PIP4K2B: variants seen among roughly 807,000 people sequenced by gnomAD.
The protein encoded by PIP4K2B is phosphatidylinositol-5-phosphate 4-kinase type 2 beta, also known as phosphatidylinositol 5-phosphate 4-kinase type-2 beta.
In PIP4K2B, 3 loss-of-function variants were observed where a neutral mutation model predicts 42.0. That is an observed-to-expected ratio of 0.07 (90% confidence interval 0.03 to 0.18). PIP4K2B has a LOEUF of 0.18. Ranked by LOEUF, PIP4K2B falls within the 10% of genes least tolerant of loss-of-function variation. PIP4K2B has a pLI of 1.00. For synonymous variants in PIP4K2B, 204 were observed against 210.1 expected, an observed-to-expected ratio of 0.97 and a Z score of 0.25; for missense variants, 332 against 562.3, an observed-to-expected ratio of 0.59 and a Z score of 4.14.
At chr17:38,790,578 T>C (rs920513736) in intron 1 of PIP4K2B, among the ~76,000 whole-genome samples, 3 of 152,086 alleles carry the variant, frequency 2.0e-5, no homozygotes, top group African/African-American at 4.8e-5. Flanking sequence ...CCTGCCTCAG[T>C]CTCCTGAGTA....
chr17:38,788,757 C>T (rs147756525), intron 1 of PIP4K2B, among the ~76,000 whole-genome samples: 63 of 152,070 alleles, frequency 4.1e-4, no homozygotes, highest in Non-Finnish European at 7.8e-4. Context: ...TCAAGACCAG[C>T]CTGGCCAATA....
At chr17:38,795,408 A>T (rs546793430) in intron 1 of PIP4K2B, among the ~76,000 whole-genome samples, 2 of 152,106 alleles carry the variant, frequency 1.3e-5, no homozygotes, top group Non-Finnish European at 2.9e-5. Flanking sequence ...GGAGTTCAGG[A>T]CCAGCCTCGG....
Position 38,786,859 on chromosome 17 carries a change from T to C in PIP4K2B, c.221A>G (p.Tyr74Cys). ...VMLMPDDFKA[Y>C]SKIKVDNHLF... ...ATGATTGTCCACCTTGATCTTGCTG[T>C]AGGCTTTGAAGTCATCTGGCATTAG... is the stretch of plus-strand genomic sequence containing the variant. Residue 74 changes from tyrosine to cysteine, a missense_variant, in exon 2 of 10, where the codon TAC becomes TGC. Tyr to Cys is a radical substitution (Grantham distance 194). Transcript: ENST00000619039. The C allele has an allele frequency of 6.2e-7, 1 of 1,612,964 alleles. No individual in the cohort carries two copies.
chr17:38,790,173 C>G (rs1372832991), intron 1 of PIP4K2B, among the ~76,000 whole-genome samples: 1 of 152,068 alleles, frequency 6.6e-6, no homozygotes, highest in Non-Finnish European at 1.5e-5. Context: ...ATTGGCTAAA[C>G]CCTCCCAATA....
At chr17:38,786,117 G>A (rs574395073) in intron 2 of PIP4K2B, among the ~76,000 whole-genome samples, 14 of 152,316 alleles carry the variant, frequency 9.2e-5, no homozygotes, top group African/African-American at 3.4e-4. Flanking sequence ...CTAGTGAGGT[G>A]GTGGGGACTG....
intron 1 of PIP4K2B, among the ~76,000 whole-genome samples, chr17:38,788,845 C>T (rs1420332638): frequency 1.3e-5 from 2 of 150,568 alleles, no homozygotes; most frequent in Non-Finnish European, 3.0e-5. Flanking sequence ...TCCAGCTACT[C>T]GGGAGGCTGA....
Position 38,769,754 on chromosome 17 carries a change from C to T in PIP4K2B, c.1188G>A (p.Ser396=), listed in dbSNP as rs776243988. 5.0e-6 allele frequency: 8 copies of T among 1,612,246 alleles called. No homozygotes were observed. The highest frequency in any genetic ancestry group is 4.0e-5 in the African/African-American group (3 of 74,472). Reference sequence around the variant, plus strand: ...TGGAGTACTGCTCAGGGTTCACAGTCGAGATCTCGGCCCCTGCCTGTAATA... The same window carrying T: ...TGGAGTACTGCTCAGGGTTCACAGTTGAGATCTCGGCCCCTGCCTGTAATA... ...TVKHGAGAEI[S]TVNPEQYSKR... The change falls in exon 10 of 10, where the codon TCG becomes TCA. Residue 396 remains serine (S), a synonymous_variant. Coordinates refer to ENST00000619039, the MANE Select transcript of PIP4K2B (RefSeq NM_003559.5).
At chr17:38,772,816 G>A (rs1038568092) in intron 7 of PIP4K2B, among the ~76,000 whole-genome samples, 3 of 152,144 alleles carry the variant, frequency 2.0e-5, no homozygotes, top group Admixed American at 6.5e-5. Flanking sequence ...CTGACCTCAA[G>A]TGATCCACCT....
In PIP4K2B at chr17:38,786,895, A is replaced by C; in HGVS notation, c.185T>G (p.Val62Gly). The C allele has an allele frequency of 3.1e-6, 5 of 1,613,204 alleles. No individual in the cohort carries two copies. Among genetic ancestry groups the C allele is most frequent in the Non-Finnish European group, 4.2e-6 (5 of 1,179,116 alleles). Residue 62 changes from valine to glycine, a missense_variant, in exon 2 of 10, where the codon GTT (valine) becomes GGT (glycine). By Grantham distance (109) the Val-to-Gly change is moderately radical (BLOSUM62 -3). This residue lies in a region of PIP4K2B where 186 missense variants were observed against 288.4 expected (regional missense o/e 0.64). Transcript: ENST00000619039. ...GTCATCTGGCATTAGCATGACAGGA[A>C]CAGGAACATTGCTCAGCTCATTGAT... is the stretch of plus-strand genomic sequence containing the variant. ...HTINELSNVP[V>G]PVMLMPDDFK...
At position 38,768,137 on chromosome 17, in the gene PIP4K2B, T is replaced by G. The variant is rs1206954546; in HGVS notation, c.*1554A>C. 1 of 152,276 alleles carries G rather than the reference T, an allele frequency of 6.6e-6. No individual in the cohort carries two copies. The highest frequency in any genetic ancestry group is 2.4e-5 in the African/African-American group (1 of 41,472). 9.4% of individuals were successfully genotyped at this position (152,276 alleles called of 1,614,324 possible). On this transcript the variant is annotated 3_prime_UTR_variant, in exon 10 of 10. Coordinates refer to ENST00000619039, the MANE Select transcript of PIP4K2B (RefSeq NM_003559.5). ...ATTCAAAATGGTTTCACAAGCGATC[T>G]TCACATCTTTGGGGTTATCTACAAG...
intron 9 of PIP4K2B, 26 bp from the exon 10 acceptor site, chr17:38,769,797 G>C (rs1908906456): frequency 6.2e-7 from 1 of 1,612,760 alleles, no homozygotes; most frequent in African/African-American, 1.3e-5. Flanking sequence ...GGCTGATTCA[G>C]GTTGAGTTCC....
intron 7 of PIP4K2B, among the ~76,000 whole-genome samples, chr17:38,775,128 C>T (rs1223509163): frequency 6.6e-6 from 1 of 151,880 alleles, no homozygotes; most frequent in Non-Finnish European, 1.5e-5. Flanking sequence ...TTTGTTTTTG[C>T]ATTTTTAGTA....
intron 5 of PIP4K2B, 69 bp from the exon 6 acceptor site, chr17:38,778,441 G>A (rs1909491941): frequency 1.4e-6 from 2 of 1,415,914 alleles, no homozygotes; most frequent in South Asian, 1.1e-5. Flanking sequence ...AAACATGGGA[G>A]AGCCAGCAGG....
At chr17:38,778,542 G>A (rs750073522) in intron 5 of PIP4K2B, among the ~76,000 whole-genome samples, 170 bp from the exon 6 acceptor site, 5 of 152,198 alleles carry the variant, frequency 3.3e-5, no homozygotes, top group Non-Finnish European at 7.3e-5. Flanking sequence ...AGAGCTCTAT[G>A]TGCAAGACAC....
chr17:38,794,730 CACA>C (rs966563238), intron 1 of PIP4K2B, among the ~76,000 whole-genome samples: 3 of 150,428 alleles, frequency 2.0e-5, no homozygotes, highest in Non-Finnish European at 4.4e-5. Flanking sequence ...CAAAAGCACA[CACA>C]ACAACAACAA....
chr17:38,790,401 G>C (rs965624765), intron 1 of PIP4K2B, among the ~76,000 whole-genome samples: 1 of 152,184 alleles, frequency 6.6e-6, no homozygotes, highest in Admixed American at 6.5e-5. Context: ...AGAGTTCAGG[G>C]CTCGGCTGGG....
intron 4 of PIP4K2B, 81 bp from the exon 5 acceptor site, chr17:38,779,610 C>A: frequency 8.2e-7 from 1 of 1,221,204 alleles, no homozygotes; most frequent in Admixed American, 1.9e-5. Context: ...GACTAAAATG[C>A]TCCCTGGCTC....
chr17:38,774,870 T>C (rs953621029), intron 7 of PIP4K2B, among the ~76,000 whole-genome samples: 1 of 152,220 alleles, frequency 6.6e-6, no homozygotes, highest in African/African-American at 2.4e-5. Flanking sequence ...CCAACTGATA[T>C]AACAAGTGTC....
chr17:38,780,707 C>T (rs1023365749), intron 3 of PIP4K2B, 103 bp from the exon 4 acceptor site: 2 of 1,165,184 alleles, frequency 1.7e-6, no homozygotes, highest in South Asian at 1.4e-5. Context: ...GCCAACAACA[C>T]TGAGATAGAG....
Sources: allele counts gnomAD v4.1 joint callset (sites outside exome capture counted in the v4.1 genomes callset), GRCh38; gene constraint gnomAD v4.1.1; regional missense constraint gnomAD v4.1.1; transcripts MANE v1.5; gene names NCBI Gene and HGNC (gene_info 2026-07-23, HGNC 2026-07-21).